The following PPP2R2D variants were observed in gnomAD, a reference collection of about 807,000 sequenced individuals.
PPP2R2D encodes protein phosphatase 2 regulatory subunit Bdelta, also known as serine/threonine-protein phosphatase 2A 55 kDa regulatory subunit B delta isoform.
PPP2R2D carries 9 observed loss-of-function variants against 31.1 expected under a neutral mutation model. The ratio of observed to expected loss-of-function variants is 0.29; its 90% CI spans 0.17 to 0.51. The LOEUF is 0.51. Ranked by LOEUF, PPP2R2D falls within the 20% of genes least tolerant of loss-of-function variation. The pLI, the probability that PPP2R2D is intolerant of heterozygous loss-of-function variation, is 0.98. For missense variants in PPP2R2D, 391 were observed against 465.6 expected, an observed-to-expected ratio of 0.84 and a Z score of 1.48; for synonymous variants, 179 against 172.6, an observed-to-expected ratio of 1.04 and a Z score of -0.29.
intron 2 of PPP2R2D, among the ~76,000 whole-genome samples, chr10:131,901,681 C>T (rs988346475): frequency 6.6e-6 from 1 of 152,126 alleles, no homozygotes; most frequent in African/African-American, 2.4e-5. Context: ...CTGAGGAGAC[C>T]GCGGCGGAGC....
intron 8 of PPP2R2D, among the ~76,000 whole-genome samples, chr10:131,952,539 T>TAGC (rs1341657172): frequency 5.0e-5 from 2 of 39,614 alleles, no homozygotes; most frequent in Non-Finnish European, 8.7e-5. Context: ...TTCACTGTCT[T>TAGC]AGTGACTTGC....
chr10:131,956,101 C>T lies in PPP2R2D; in HGVS notation c.*138C>T, dbSNP rs556671790. The T allele has an allele frequency of 8.1e-5, 102 of 1,264,058 alleles. No individual in the cohort carries two copies. In the South Asian group the frequency reaches 2.3e-3, roughly 29 times the overall value. The allele number at this position is 1,264,058 out of a possible 1,614,324, so 78.3% of individuals were successfully genotyped here. A position where few individuals can be genotyped will look rare whatever the true frequency, so the allele number is the denominator to read the frequency against. ...TCCCTTCACAGACACAGGAGAAAGCCGCCTCCGCTGGAGGCCCGGTGTGGT... is the reference window on the plus strand; with the variant it reads ...TCCCTTCACAGACACAGGAGAAAGCTGCCTCCGCTGGAGGCCCGGTGTGGT... On this transcript the variant is annotated 3_prime_UTR_variant, in exon 9 of 9. Coordinates refer to ENST00000455566, the MANE Select transcript of PPP2R2D (RefSeq NM_018461.5).
intron 2 of PPP2R2D, among the ~76,000 whole-genome samples, chr10:131,920,747 G>A (rs1340408505): frequency 1.3e-5 from 2 of 152,182 alleles, no homozygotes; most frequent in African/African-American, 4.8e-5. Flanking sequence ...TGGCCAACAT[G>A]GTGAAACCCC....
downstream of PPP2R2D, among the ~76,000 whole-genome samples, chr10:131,962,510 A>G (rs574267429): frequency 6.6e-6 from 1 of 152,076 alleles, no homozygotes; most frequent in Non-Finnish European, 1.5e-5. Flanking sequence ...TGCAACTCCC[A>G]TTGTCTTAGG....
chr10:131,971,012 C>T, the PPP2R2D span: 15 of 1,578,956 alleles, frequency 9.5e-6, no homozygotes, highest in African/African-American at 8.1e-5. Context: ...GTGTACCACA[C>T]GTGACACGGG....
downstream of PPP2R2D, among the ~76,000 whole-genome samples, chr10:131,963,172 G>C (rs1040149439): frequency 1.3e-5 from 2 of 152,176 alleles, no homozygotes; most frequent in Admixed American, 6.5e-5. Context: ...CTCAAAAAAA[G>C]GTTGGGATGT....
intron 2 of PPP2R2D, among the ~76,000 whole-genome samples, chr10:131,926,637 G>A (rs1325329576): frequency 6.6e-6 from 1 of 152,234 alleles, no homozygotes; most frequent in Non-Finnish European, 1.5e-5. Flanking sequence ...TTGGAGGGCA[G>A]CTCTACTCCT....
rs2035490499 is a variant in PPP2R2D at position 131,901,340 on chromosome 10, G to C, written c.100+10G>C. The C allele has an allele frequency of 2.8e-6, 1 of 356,944 alleles. No homozygotes were observed. The highest frequency in any genetic ancestry group is 1.3e-4 in the South Asian group (1 of 7,518). The allele number at this position is 356,944 out of a possible 1,614,324, so 22.1% of individuals were successfully genotyped here. A position where few individuals can be genotyped will look rare whatever the true frequency, so the allele number is the denominator to read the frequency against. On this transcript the variant is annotated intron_variant, in intron 2 of 8. Transcript: ENST00000455566. ...GAGGACGTGGCCGAAGGTGAGCCCC[G>C]CGCCGCGCCCCGCCCCGGGACCCTC...
chr10:131,922,543 C>T (rs2036009252), intron 2 of PPP2R2D, among the ~76,000 whole-genome samples: 1 of 151,530 alleles, frequency 6.6e-6, no homozygotes, highest in Non-Finnish European at 1.5e-5. Flanking sequence ...GCCTCTGCCT[C>T]CCAGGTGCAC....
chr10:131,960,950 G>A (rs533134700), downstream of PPP2R2D, among the ~76,000 whole-genome samples: 4 of 152,256 alleles, frequency 2.6e-5, no homozygotes, highest in Non-Finnish European at 5.9e-5. Context: ...GCTGGGCCAG[G>A]GGTGCTGAGT....
the PPP2R2D span, chr10:131,968,852 C>G: frequency 3.3e-6 from 1 of 305,854 alleles, no homozygotes; most frequent in Non-Finnish European, 6.4e-6. Flanking sequence ...CTGCTTTGTT[C>G]CAACTCAGTG....
chr10:131,937,338 G>C (rs529552844), intron 3 of PPP2R2D, among the ~76,000 whole-genome samples: 2 of 152,232 alleles, frequency 1.3e-5, no homozygotes, highest in Non-Finnish European at 2.9e-5. Flanking sequence ...GGGTGTGGCT[G>C]TGCGGCCCAC....
chr10:131,905,283 G>A (rs2035564033), intron 2 of PPP2R2D, among the ~76,000 whole-genome samples: 1 of 152,156 alleles, frequency 6.6e-6, no homozygotes, highest in Non-Finnish European at 1.5e-5. Context: ...AAAGTTGTTT[G>A]TTAGCTTCTA....
In PPP2R2D at chr10:131,944,006, G is replaced by C; in HGVS notation, c.516G>C (p.Ala172=). The C allele has an allele frequency of 8.2e-7, 1 of 1,226,568 alleles. No individual in the cohort carries two copies. Among genetic ancestry groups the C allele is most frequent in the African/African-American group, 1.5e-5 (1 of 67,436 alleles). The allele number at this position is 1,226,568 out of a possible 1,614,324, so 76.0% of individuals were successfully genotyped here. A position where few individuals can be genotyped will look rare whatever the true frequency, so the allele number is the denominator to read the frequency against. ...AGCCCATGGATCTTATGGTAGAAGC[G>C]AGTCCACGGCGAATTTTTGCAAATG... The part of the protein sequence containing the change: ...ILKPMDLMVE[A]SPRRIFANAH... Residue 172 remains alanine, a synonymous_variant, in exon 6 of 9, where the codon GCG becomes GCC. Coordinates refer to ENST00000455566, the MANE Select transcript of PPP2R2D (RefSeq NM_018461.5).
At chr10:131,910,184 T>C (rs1023028241) in intron 2 of PPP2R2D, among the ~76,000 whole-genome samples, 4 of 152,218 alleles carry the variant, frequency 2.6e-5, no homozygotes, top group African/African-American at 7.2e-5. Context: ...TGTACTCTCT[T>C]CCGTCAGAAC....
chr10:131,960,842 C>T (rs749571835), downstream of PPP2R2D, among the ~76,000 whole-genome samples: 2 of 152,160 alleles, frequency 1.3e-5, no homozygotes, highest in African/African-American at 2.4e-5. Context: ...AGCAGGAGTC[C>T]GGGCTGTGCT....
At chr10:131,970,828 C>T in the PPP2R2D span, 4 of 1,614,230 alleles carry the variant, frequency 2.5e-6, no homozygotes, top group Admixed American at 5.0e-5. This position sits in a 1 kb window ranked among gnomAD's most constrained non-coding sequence, Gnocchi z 4.1. Context: ...TGTCCTCTGT[C>T]AAGGGGTGCC....
Position 131,958,276 on chromosome 10 carries a change from CCCCG to C in PPP2R2D, c.*2314_*2317del, listed in dbSNP as rs2036851276. The C allele has an allele frequency of 9.6e-6, 2 of 207,962 alleles. No homozygotes were observed. Among genetic ancestry groups the C allele is most frequent in the African/African-American group, 4.9e-5 (2 of 40,590 alleles). 12.9% of individuals were successfully genotyped at this position (207,962 alleles called of 1,614,324 possible). A position where few individuals can be genotyped will look rare whatever the true frequency, so the allele number is the denominator to read the frequency against. ...TAGATGAAGGTGTGTACTGCTGATCCCCCGTCCCCCTGTGGAGATGAAGGTGTGT... is the reference window on the plus strand; with the variant it reads ...TAGATGAAGGTGTGTACTGCTGATCCTCCCCCTGTGGAGATGAAGGTGTGT... On this transcript the variant is annotated 3_prime_UTR_variant, in exon 9 of 9. Transcript: ENST00000455566.
the PPP2R2D span, chr10:131,971,209 C>CCCA: frequency 1.9e-6 from 1 of 535,742 alleles, no homozygotes; most frequent in Non-Finnish European, 3.4e-6. Flanking sequence ...CTGGGGGAGC[C>CCCA]CCACTCAGGG....
Sources: gnomAD v4.1 joint callset for allele counts (sites outside exome capture counted in the v4.1 genomes callset) on GRCh38, gnomAD v4.1.1 for gene constraint, Gnocchi (gnomAD v3.1) non-coding constraint, MANE v1.5 for transcripts, NCBI Gene and HGNC (gene_info 2026-07-23, HGNC 2026-07-21) for gene names.